Variants in ATIC observed in about 807,000 individuals in gnomAD.
ATIC encodes 5-aminoimidazole-4-carboxamide ribonucleotide formyltransferase/IMP cyclohydrolase.
A neutral mutation model predicts 72.5 loss-of-function variants in ATIC; 64 were observed. The ratio of observed to expected loss-of-function variants is 0.88; its 90% confidence interval spans 0.72 to 1.09. The LOEUF is 1.09. ATIC is among the 50% of genes least tolerant of loss of function. ATIC has a pLI of 0.00. For synonymous variants in ATIC, 281 were observed against 267.1 expected, an observed-to-expected ratio of 1.05 and a Z score of -0.51; for missense variants, 787 against 732.4, an observed-to-expected ratio of 1.07 and a Z score of -0.86.
At chr2:215,351,236 C>T (rs1480501135), downstream of ATIC, among the ~76,000 whole-genome samples, 1 of 152,182 alleles carries the variant, frequency 6.6e-6, no homozygotes, top group African/African-American at 2.4e-5. Context: ...AGCTTCAGTC[C>T]CAGGCAACAT....
chr2:215,325,069 C>G, intron 4 of ATIC, 172 bp from the exon 5 acceptor site: 1 of 593,366 alleles, frequency 1.7e-6, no homozygotes, highest in Admixed American at 2.7e-5. Context: ...GCAGGACACC[C>G]TGACTTTTTA....
chr2:215,352,941 C>G (rs1331826449), downstream of ATIC, among the ~76,000 whole-genome samples: 1 of 152,180 alleles, frequency 6.6e-6, no homozygotes, highest in Admixed American at 6.5e-5. Context: ...CTGCTCCTTT[C>G]TTACACATTG....
chr2:215,361,343 A>T, the ATIC span: 6 of 597,850 alleles, frequency 1.0e-5, no homozygotes, highest in East Asian at 1.7e-4. Flanking sequence ...CAGAACAGGC[A>T]ATGTGCAGCC....
At chr2:215,319,823 A>G (rs1247726699) in intron 4 of ATIC, 92 bp downstream of exon 4, 1 of 1,056,870 alleles carries the variant, frequency 9.5e-7, no homozygotes, top group African/African-American at 1.6e-5. Context: ...TACTCACTAT[A>G]AACCTTTACT....
In ATIC at chr2:215,326,831, C is replaced by T. The variant is rs754023595; in HGVS notation, c.541C>T (p.His181Tyr). The T allele has an allele frequency of 1.9e-6, 3 of 1,614,042 alleles. No individual in the cohort carries two copies. The highest frequency in any genetic ancestry group is 2.2e-5 in the East Asian group (1 of 44,878). Residue 181 changes from histidine (H) to tyrosine (Y), a missense_variant, in exon 7 of 16, where the codon CAT becomes TAT. His to Tyr is a moderately conservative substitution (Grantham distance 83). Transcript: ENST00000236959. ...RRQLALKAFTHTAQYDEAISD... is the reference protein window; with the variant it reads ...RRQLALKAFTYTAQYDEAISD... ...CTTACGCTTTTTGTAGGCATTCACTCATACGGCACAATATGATGAAGCAAT... is the reference window on the plus strand; with the variant it reads ...CTTACGCTTTTTGTAGGCATTCACTTATACGGCACAATATGATGAAGCAAT...
intron 2 of ATIC, among the ~76,000 whole-genome samples, chr2:215,316,794 C>A (rs780134454): frequency 3.9e-4 from 60 of 151,950 alleles, no homozygotes; most frequent in Non-Finnish European, 7.1e-4. Flanking sequence ...CGGAGTTTTG[C>A]TGTTGTTGCC....
chr2:215,316,107 T>C (rs2052705590), intron 2 of ATIC, among the ~76,000 whole-genome samples: 1 of 152,184 alleles, frequency 6.6e-6, no homozygotes, highest in Non-Finnish European at 1.5e-5. Context: ...GCAGTGAGCA[T>C]ACATAGAATT....
At chr2:215,362,858 C>G in the ATIC span, 1 of 152,610 alleles carries the variant, frequency 6.6e-6, no homozygotes, top group Non-Finnish European at 1.5e-5. Flanking sequence ...CCCGCTGAAG[C>G]ACGAAGCCAG....
chr2:215,337,921 C>G (rs1475326411), intron 11 of ATIC, among the ~76,000 whole-genome samples: 1 of 152,204 alleles, frequency 6.6e-6, no homozygotes, highest in Non-Finnish European at 1.5e-5. Context: ...ACTTATCCCT[C>G]TACCTGACTA....
At chr2:215,324,997 G>A (rs144323159) in intron 4 of ATIC, among the ~76,000 whole-genome samples, 2,119 of 152,106 alleles carry the variant, frequency 0.014, 33 homozygotes, top group African/African-American at 0.047. Context: ...TGACGTGGAG[G>A]GAGTACTGTG....
At chr2:215,333,023 A>G (rs569770353) in intron 8 of ATIC, among the ~76,000 whole-genome samples, 1 of 152,236 alleles carries the variant, frequency 6.6e-6, no homozygotes, top group South Asian at 2.1e-4. Context: ...GAAATAAATG[A>G]TGTGTGATAT....
chr2:215,342,667 T>G (rs6435901), intron 12 of ATIC, among the ~76,000 whole-genome samples: 152,149 of 152,184 alleles, frequency 1, 76,057 homozygotes, highest in Middle Eastern at 1. Context: ...TTTTGTGTGT[T>G]TGTGTGAGCA....
downstream of ATIC, among the ~76,000 whole-genome samples, chr2:215,353,546 G>A (rs1430776436): frequency 1.3e-5 from 2 of 151,958 alleles, no homozygotes; most frequent in Non-Finnish European, 2.9e-5. Context: ...ACATGTCTAA[G>A]GTTTTGTTGT....
Position 215,333,243 on chromosome 2 carries a change from G to GA in ATIC, c.815-103dup, listed in dbSNP as rs141406980. ...TCTGTTTAATTTAGCACAGGCACTA[G>GA]AAAATGTGCTGCGTAGACTGGGTGT... On this transcript the variant is annotated intron_variant, in intron 8 of 15. Coordinates refer to ENST00000236959, the MANE Select transcript of ATIC (RefSeq NM_004044.7). 3,912 of 898,138 alleles carry GA rather than the reference G, an allele frequency of 4.4e-3. 112 individuals carry two copies. In the African/African-American group the frequency reaches 0.057, roughly 13 times the overall value. 55.6% of individuals were successfully genotyped at this position (898,138 alleles called of 1,614,324 possible).
In ATIC at chr2:215,338,257, A is replaced by G. The variant is rs79146665; in HGVS notation, c.1099-522A>G. Among the ~76,000 whole-genome samples, 104 of 152,378 alleles carry G rather than the reference A, an allele frequency of 6.8e-4. 1 individual carries two copies. The highest frequency in any genetic ancestry group is 2.5e-3 in the African/African-American group (103 of 41,602). On this transcript the variant is annotated intron_variant, in intron 11 of 15. Coordinates refer to ENST00000236959, the MANE Select transcript of ATIC (RefSeq NM_004044.7). ...TAAATGATACAAATTCCTTCCAAAT[A>G]GCAAAGACACAGATTACAAATCCTG...
chr2:215,358,704 G>A, the ATIC span, among the ~76,000 whole-genome samples: 4 of 152,244 alleles, frequency 2.6e-5, no homozygotes, highest in South Asian at 6.2e-4. Context: ...TTTGCTATTC[G>A]TTTACTTCAT....
intron 10 of ATIC, 55 bp from the exon 11 acceptor site, chr2:215,335,980 T>A (rs750617838): frequency 7.9e-6 from 11 of 1,384,612 alleles, no homozygotes; most frequent in South Asian, 6.1e-5. Flanking sequence ...TAGATTTTTT[T>A]AAGAGGTGTT....
chr2:215,348,595 GA>G, intron 14 of ATIC: 1 of 379,528 alleles, frequency 2.6e-6, no homozygotes, highest in Non-Finnish European at 5.1e-6. Flanking sequence ...TTTCCTTAAT[GA>G]AAATATTTCT....
intron 4 of ATIC, among the ~76,000 whole-genome samples, chr2:215,321,156 C>T (rs2052762532): frequency 6.6e-6 from 1 of 152,206 alleles, no homozygotes; most frequent in Admixed American, 6.5e-5. Flanking sequence ...CCAACGTCCT[C>T]CAGCCTCGGC....
Sources: gnomAD v4.1 joint callset for allele counts (sites outside exome capture counted in the v4.1 genomes callset) on GRCh38, gnomAD v4.1.1 for gene constraint, MANE v1.5 for transcripts, NCBI Gene and HGNC (gene_info 2026-07-23, HGNC 2026-07-21) for gene names.